MYH14: variants seen among roughly 807,000 people sequenced by gnomAD.
MYH14 encodes myosin-14.
MYH14 carries 123 observed loss-of-function variants against 255.5 expected under a neutral mutation model. The observed-to-expected ratio is 0.48, with a 90% CI of 0.42 to 0.56. The LOEUF (loss-of-function observed/expected upper bound fraction) is 0.56, where lower values mean the gene tolerates loss of function less well. MYH14 is among the 20% of genes least tolerant of loss of function. The pLI, the probability that MYH14 is intolerant of heterozygous loss-of-function variation, is 0.00. For synonymous variants in MYH14, 1,095 were observed against 1,161.2 expected (o/e 0.94, Z 1.16); for missense variants, 2,423 against 2,802.3 (o/e 0.86, Z 3.06).
At chr19:50,272,841 C>T in intron 27 of MYH14, 110 bp downstream of exon 27, 2 of 1,111,194 alleles carry the variant, frequency 1.8e-6, no homozygotes, top group Non-Finnish European at 2.6e-6. Flanking sequence ...GAGCCACTCA[C>T]CAGCCACAGA....
At position 50,252,439 on chromosome 19, in the gene MYH14, G is replaced by T. The variant is rs565055802; in HGVS notation, c.1831-200G>T. ...TGGTGGAGGTCACAGAGGTGGCAGGGGGCATAGAGGGGAAGGAGAGAGAGG... is the reference window on the plus strand; with the variant it reads ...TGGTGGAGGTCACAGAGGTGGCAGGTGGCATAGAGGGGAAGGAGAGAGAGG... On this transcript the variant is annotated intron_variant, in intron 15 of 42. Coordinates refer to ENST00000642316, the MANE Select transcript of MYH14 (RefSeq NM_001145809.2). This position sits in a 1 kb window ranked among gnomAD's most constrained non-coding sequence, Gnocchi z 4.2. 7.3e-4 allele frequency among the ~76,000 whole-genome samples: 111 copies of T among 152,232 alleles called. No individual in the cohort carries two copies. The highest frequency in any genetic ancestry group is 2.5e-3 in the African/African-American group (102 of 41,548).
rs2036160450 is a variant in MYH14, at chr19:50,293,551, C to T, written c.5346-13C>T. On this transcript the variant is annotated splice_polypyrimidine_tract_variant and intron_variant, in intron 38 of 42. Transcript: ENST00000642316. The surrounding 1 kb of genome is among the most constrained non-coding windows in gnomAD (Gnocchi z 4.1). The stretch of plus-strand genomic sequence containing the variant: ...TCCTGTCCTTTCATCCCCACGCCTT[C>T]CTGTCTCCCTAGGGCAGCCATTCTG... The T allele has an allele frequency of 5.0e-6, 8 of 1,612,402 alleles. No individual in the cohort carries two copies. In the East Asian group the frequency reaches 1.6e-4, roughly 31 times the overall value.
chr19:50,247,139 G>A lies in MYH14; in HGVS notation c.1329+17G>A. 1.3e-6 allele frequency: 2 copies of A among 1,579,834 alleles called. No individual in the cohort carries two copies. Among genetic ancestry groups the A allele is most frequent in the Non-Finnish European group, 1.7e-6 (2 of 1,151,416 alleles). ...AAGGAACAGGTAGGCGGGGCTGGCG[G>A]TGGGCAGGCACAGAAAGAGCCGCGC... is the stretch of plus-strand genomic sequence containing the variant. On this transcript the variant is annotated intron_variant, in intron 12 of 42. Coordinates refer to ENST00000642316, the MANE Select transcript of MYH14 (RefSeq NM_001145809.2).
At chr19:50,297,998 A>G (rs1270746551) in intron 39 of MYH14, among the ~76,000 whole-genome samples, 4 of 152,086 alleles carry the variant, frequency 2.6e-5, no homozygotes, top group Non-Finnish European at 5.9e-5. Context: ...GGGGAGGGGC[A>G]TGGAGCTTCC....
chr19:50,210,296 G>T, intron 1 of MYH14, 67 bp from the exon 2 acceptor site: 1 of 1,413,504 alleles, frequency 7.1e-7, no homozygotes, highest in Non-Finnish European at 9.5e-7. Flanking sequence ...GGGAATTTGG[G>T]GTAGGGAAGG....
Position 50,293,541 on chromosome 19 carries a change from C to G in MYH14, c.5346-23C>G, listed in dbSNP as rs760069033. 4 of 1,611,662 alleles carry G rather than the reference C, an allele frequency of 2.5e-6. No individual in the cohort carries two copies. In the East Asian group the frequency reaches 8.9e-5, roughly 36 times the overall value. ...CCTCTGACCATCCTGTCCTTTCATC[C>G]CCACGCCTTCCTGTCTCCCTAGGGC... On this transcript the variant is annotated intron_variant, in intron 38 of 42. Coordinates refer to ENST00000642316, the MANE Select transcript of MYH14 (RefSeq NM_001145809.2). This position sits in a 1 kb window ranked among gnomAD's most constrained non-coding sequence, Gnocchi z 4.1.
chr19:50,259,009 G>C, intron 18 of MYH14, 135 bp from the exon 19 acceptor site: 3 of 1,209,386 alleles, frequency 2.5e-6, no homozygotes, highest in East Asian at 2.6e-5. Flanking sequence ...TGTCTTCCCA[G>C]GGCCTAGAAC....
chr19:50,226,945 G>A lies in MYH14; in HGVS notation c.853G>A (p.Val285Met), dbSNP rs768080680. The A allele has an allele frequency of 1.1e-5, 18 of 1,613,786 alleles. No individual in the cohort carries two copies. The highest frequency in any genetic ancestry group is 3.3e-5 in the South Asian group (3 of 91,074). The part of the protein sequence containing the change: ...RINFDVAGYI[V>M]GANIETYLLE... ...CAACTTTGATGTTGCCGGGTACATC[G>A]TGGGCGCCAACATTGAGACCTGTAT... Residue 285 changes from valine (V) to methionine (M), a missense_variant, in exon 8 of 43, where the codon GTG (valine) becomes ATG (methionine). Val to Met is a conservative substitution (Grantham distance 21). Transcript: ENST00000642316.
rs2034252385 is a variant in MYH14, at chr19:50,249,087, A to G, written c.1430A>G (p.Gln477Arg). ...CGGGCCTTGGACCGCAGCCCCCGCC[A>G]AGGCGCCTCCTTCCTGGGCATCCTG... Reference protein sequence around the residue: ...LNRALDRSPRQGASFLGILDI... With the variant: ...LNRALDRSPRRGASFLGILDI... The change falls in exon 13 of 43, where the codon CAA (glutamine) becomes CGA (arginine). Residue 477 changes from glutamine to arginine, a missense_variant. By Grantham distance (43) the Gln-to-Arg change is conservative. Transcript: ENST00000642316. 6.2e-7 allele frequency: 1 copy of G among 1,604,440 alleles called. No homozygotes were observed. Among genetic ancestry groups the G allele is most frequent in the East Asian group, 2.2e-5 (1 of 44,462 alleles).
chr19:50,260,836 C>A, intron 20 of MYH14, 121 bp downstream of exon 20: 1 of 723,140 alleles, frequency 1.4e-6, no homozygotes, highest in Non-Finnish European at 2.4e-6. Context: ...TGTGTGCATG[C>A]ACGTGTGTGC....
At position 50,257,363 on chromosome 19, in the gene MYH14, C is replaced by G. The variant is rs2034629853; in HGVS notation, c.2109C>G (p.Pro703=). The G allele has an allele frequency of 6.2e-7, 1 of 1,608,646 alleles. No individual in the cohort carries two copies. The highest frequency in any genetic ancestry group is 1.3e-5 in the African/African-American group (1 of 74,848). The change falls in exon 18 of 43, where the codon CCC becomes CCG. Residue 703 remains proline (P), a synonymous_variant. Transcript: ENST00000642316. ...GCGACGGCCCACCAGGTGGCCGCCC[C>G]CGTCGGGGTATGTTCCGGACAGTGG... The part of the protein sequence containing the change: ...SLGDGPPGGR[P]RRGMFRTVGQ...
intron 12 of MYH14, among the ~76,000 whole-genome samples, 183 bp from the exon 13 acceptor site, chr19:50,248,804 G>A (rs909308970): frequency 6.6e-5 from 10 of 152,242 alleles, no homozygotes; most frequent in African/African-American, 1.9e-4. Context: ...TACCTGGTGC[G>A]CAGTAGGACT....
chr19:50,303,988 T>C (rs764960744), intron 40 of MYH14, among the ~76,000 whole-genome samples: 1 of 152,242 alleles, frequency 6.6e-6, no homozygotes, highest in Non-Finnish European at 1.5e-5. Context: ...TATTGCTCAG[T>C]ACTATTCAGC....
chr19:50,208,933 C>T (rs943596607), intron 1 of MYH14, among the ~76,000 whole-genome samples: 25 of 151,990 alleles, frequency 1.6e-4, no homozygotes, highest in Non-Finnish European at 4.4e-5. Flanking sequence ...GCAGGAGGAT[C>T]GCTTGAGCCC....
intron 16 of MYH14, among the ~76,000 whole-genome samples, chr19:50,253,194 C>T (rs2034465765): frequency 6.6e-6 from 1 of 152,140 alleles, no homozygotes; most frequent in Admixed American, 6.5e-5. Flanking sequence ...GTAATCCCAG[C>T]ACTTTTGGGA....
chr19:50,261,758 G>C, intron 21 of MYH14, 123 bp downstream of exon 21: 1 of 897,274 alleles, frequency 1.1e-6, no homozygotes, highest in Non-Finnish European at 1.6e-6. Flanking sequence ...CAGGTGGATG[G>C]AGGTGCCGGG....
intron 12 of MYH14, 90 bp from the exon 13 acceptor site, chr19:50,248,897 C>A: frequency 7.1e-7 from 1 of 1,413,642 alleles, no homozygotes; most frequent in Non-Finnish European, 9.8e-7. Context: ...TTAAGGGGGA[C>A]GAGCTGGGGG....
At chr19:50,284,935 T>G (rs907156436) in intron 33 of MYH14, 2 of 117,836 alleles carry the variant, frequency 1.7e-5, no homozygotes, top group East Asian at 2.3e-4. Flanking sequence ...TTTTTTTTTT[T>G]GCCCAGGCTG....
intron 40 of MYH14, among the ~76,000 whole-genome samples, chr19:50,303,161 T>C (rs2036550045): frequency 6.6e-6 from 1 of 152,204 alleles, no homozygotes; most frequent in Non-Finnish European, 1.5e-5. Flanking sequence ...GTTCTGCTCA[T>C]TTGGGCTTGG....
Sources: allele counts gnomAD v4.1 joint callset (sites outside exome capture counted in the v4.1 genomes callset), GRCh38; gene constraint gnomAD v4.1.1; non-coding constraint Gnocchi (gnomAD v3.1); transcripts MANE v1.5; gene names NCBI Gene and HGNC (gene_info 2026-07-23, HGNC 2026-07-21).